Variants in EXT1 observed in about 807,000 individuals in gnomAD.
EXT1 encodes the protein exostosin-1.
Under a neutral mutation model 82.5 loss-of-function variants are expected in EXT1, and 20 were observed. The ratio of observed to expected loss-of-function variants is 0.24; its 90% CI spans 0.17 to 0.35. EXT1 has a LOEUF of 0.35. Ranked by LOEUF, EXT1 falls within the 10% of genes least tolerant of loss-of-function variation. The probability of loss-of-function intolerance (pLI) is 1.00; values close to 1 mark genes in which losing one functional copy is unlikely to be tolerated. For missense variants in EXT1, 757 were observed against 936.5 expected, an observed-to-expected ratio of 0.81 and a Z score of 2.50; for synonymous variants, 348 against 350.8, an observed-to-expected ratio of 0.99 and a Z score of 0.09.
intron 1 of EXT1, among the ~76,000 whole-genome samples, chr8:117,892,241 C>A (rs112199754): frequency 3.3e-5 from 5 of 152,330 alleles, no homozygotes; most frequent in African/African-American, 1.2e-4. Flanking sequence ...CAGAACTACA[C>A]AGGCCACTGC....
intron 1 of EXT1, among the ~76,000 whole-genome samples, chr8:117,884,921 G>C (rs1813120961): frequency 6.6e-6 from 1 of 152,226 alleles, no homozygotes; most frequent in Non-Finnish European, 1.5e-5. Context: ...TTTTCAAAAA[G>C]TGCTAATCAG....
At chr8:117,828,267 T>G (rs1001615559) in intron 4 of EXT1, among the ~76,000 whole-genome samples, 2 of 152,200 alleles carry the variant, frequency 1.3e-5, no homozygotes, top group African/African-American at 4.8e-5. Context: ...CTAAAATGAA[T>G]GTATACTTCT....
chr8:118,006,834 T>A (rs1815785935), intron 1 of EXT1, among the ~76,000 whole-genome samples: 1 of 152,066 alleles, frequency 6.6e-6, no homozygotes, highest in Admixed American at 6.5e-5. Flanking sequence ...AAGAGAACAC[T>A]CTCTCCATGA....
chr8:117,903,749 C>T (rs1813493230), intron 1 of EXT1, among the ~76,000 whole-genome samples: 1 of 152,168 alleles, frequency 6.6e-6, no homozygotes, highest in Admixed American at 6.5e-5. Context: ...CGCCTCTAAT[C>T]AGGAATGTAC....
intron 1 of EXT1, among the ~76,000 whole-genome samples, chr8:117,945,626 G>A (rs1056020590): frequency 2.6e-5 from 4 of 151,442 alleles, no homozygotes; most frequent in African/African-American, 4.9e-5. Flanking sequence ...CTCAGCCTCC[G>A]GAGTAGCTGA....
intron 1 of EXT1, among the ~76,000 whole-genome samples, chr8:118,107,840 C>T (rs12675013): frequency 0.53 from 80,329 of 152,040 alleles, 23,163 homozygotes; most frequent in Middle Eastern, 0.67. Context: ...TTCGCAGCAC[C>T]ATCCCGGGCT....
intron 1 of EXT1, among the ~76,000 whole-genome samples, chr8:117,997,945 G>A (rs1053282121): frequency 6.6e-6 from 1 of 151,796 alleles, no homozygotes; most frequent in African/African-American, 2.4e-5. Flanking sequence ...TTTTGCAAAG[G>A]ATCTATCTTC....
At chr8:117,971,598 A>G (rs113366954) in intron 1 of EXT1, among the ~76,000 whole-genome samples, 23 of 152,330 alleles carry the variant, frequency 1.5e-4, no homozygotes, top group Non-Finnish European at 2.9e-4. Context: ...GCTCTTTGTG[A>G]TTATTAATAA....
At chr8:117,962,701 C>G (rs2058572446) in intron 1 of EXT1, among the ~76,000 whole-genome samples, 1 of 151,876 alleles carries the variant, frequency 6.6e-6, no homozygotes, top group African/African-American at 2.4e-5. Context: ...TACAGTGAGC[C>G]CAGATCATGC....
Position 118,110,123 on chromosome 8 carries a change from C to T in EXT1, c.924G>A (p.Lys308=), listed in dbSNP as rs761534716. 1.2e-5 allele frequency: 19 copies of T among 1,614,080 alleles called. No individual in the cohort carries two copies. Among genetic ancestry groups the T allele is most frequent in the Non-Finnish European group, 1.5e-5 (18 of 1,180,050 alleles). The change falls in exon 1 of 11, where the codon AAG becomes AAA. Residue 308 remains lysine, a synonymous_variant. Transcript: ENST00000378204. The part of the protein sequence containing the change: ...CKHGKDWQKH[K]DSRCDRDNTE... ...TGTTGTCTCTGTCACAGCGAGAATC[C>T]TTGTGCTTTTGCCAGTCTTTGCCAT... is the stretch of plus-strand genomic sequence containing the variant.
intron 1 of EXT1, among the ~76,000 whole-genome samples, chr8:117,866,683 A>G (rs6469713): frequency 0.99 from 150,295 of 152,064 alleles, 74,347 homozygotes; most frequent in African/African-American, 1. Flanking sequence ...GCCATTCTTG[A>G]CGATGATTCT....
At chr8:118,091,778 C>CCT (rs367571195) in intron 1 of EXT1, among the ~76,000 whole-genome samples, 5 of 139,522 alleles carry the variant, frequency 3.6e-5, no homozygotes, top group South Asian at 2.3e-4. Flanking sequence ...TCTAACTCTC[C>CCT]CTCTCTCTCT....
intron 1 of EXT1, among the ~76,000 whole-genome samples, chr8:117,987,400 T>C (rs138546506): frequency 8.5e-5 from 13 of 152,330 alleles, no homozygotes; most frequent in South Asian, 2.1e-4. Flanking sequence ...ACTGGCATTC[T>C]ACCTGCATTC....
At chr8:118,028,560 A>G (rs1816243467) in intron 1 of EXT1, among the ~76,000 whole-genome samples, 1 of 151,974 alleles carries the variant, frequency 6.6e-6, no homozygotes, top group South Asian at 2.1e-4. Context: ...TATACATATG[A>G]CTAACATATA....
At chr8:117,870,651 T>C (rs1586253897) in intron 1 of EXT1, among the ~76,000 whole-genome samples, 1 of 152,274 alleles carries the variant, frequency 6.6e-6, no homozygotes, top group East Asian at 1.9e-4. Context: ...TCATGCAACT[T>C]GCTCCAGAGT....
intron 1 of EXT1, among the ~76,000 whole-genome samples, chr8:117,982,954 T>C (rs575524821): frequency 6.6e-6 from 1 of 152,302 alleles, no homozygotes. Context: ...TTTTACAAGA[T>C]AAAAAACCAA....
chr8:118,013,977 C>A (rs1368117729), intron 1 of EXT1, among the ~76,000 whole-genome samples: 1 of 152,252 alleles, frequency 6.6e-6, no homozygotes, highest in East Asian at 1.9e-4. Context: ...ACTACAAGCT[C>A]AATGTGTAAT....
chr8:117,982,647 C>T (rs531128303), intron 1 of EXT1, among the ~76,000 whole-genome samples: 13 of 152,176 alleles, frequency 8.5e-5, no homozygotes, highest in African/African-American at 3.1e-4. Flanking sequence ...TGCGCCACCA[C>T]ACCCAGTTAA....
intron 1 of EXT1, among the ~76,000 whole-genome samples, chr8:118,090,630 T>A (rs1431098827): frequency 3.3e-5 from 5 of 151,030 alleles, no homozygotes; most frequent in Non-Finnish European, 7.4e-5. Context: ...ATACAAAAAA[T>A]TAACTGCGCA....
Sources: allele counts gnomAD v4.1 joint callset (sites outside exome capture counted in the v4.1 genomes callset), GRCh38; gene constraint gnomAD v4.1.1; transcripts MANE v1.5; gene names NCBI Gene and HGNC (gene_info 2026-07-23, HGNC 2026-07-21).